The following CSMD1 variants were observed in gnomAD, a reference collection of about 807,000 sequenced individuals.
CSMD1 encodes CUB and sushi domain-containing protein 1.
A neutral mutation model predicts 417.5 loss-of-function variants in CSMD1; 213 were observed. The observed-to-expected ratio is 0.51, with a 90% CI of 0.46 to 0.57. The LOEUF (loss-of-function observed/expected upper bound fraction) is 0.57, where lower values mean the gene tolerates loss of function less well. Ranked by LOEUF, CSMD1 falls within the 20% of genes least tolerant of loss-of-function variation. CSMD1 has a pLI of 0.00. For missense variants in CSMD1, 6,923 were observed against 4,529.7 expected, an observed-to-expected ratio of 1.53 and a Z score of -15.17; for synonymous variants, 2,862 against 1,736.8, an observed-to-expected ratio of 1.65 and a Z score of -16.11.
At chr8:3,132,089 T>A (rs1367423986) in intron 41 of CSMD1, among the ~76,000 whole-genome samples, 1 of 152,140 alleles carries the variant, frequency 6.6e-6, no homozygotes, top group Non-Finnish European at 1.5e-5. Context: ...GGCCTCCAGG[T>A]TCTGCTCACG....
intron 26 of CSMD1, among the ~76,000 whole-genome samples, chr8:3,261,547 G>A (rs985622877): frequency 7.2e-5 from 11 of 152,120 alleles, no homozygotes; most frequent in African/African-American, 2.7e-4. Context: ...ACCTGCGCGT[G>A]AATGTTCATC....
intron 3 of CSMD1, among the ~76,000 whole-genome samples, chr8:4,258,731 A>C (rs1367752696): frequency 2.0e-5 from 3 of 152,022 alleles, no homozygotes; most frequent in African/African-American, 7.3e-5. Context: ...GGAACACAGC[A>C]ATGTATGAGG....
intron 1 of CSMD1, among the ~76,000 whole-genome samples, chr8:4,777,275 A>G (rs1399240685): frequency 6.6e-6 from 1 of 152,226 alleles, no homozygotes; most frequent in Non-Finnish European, 1.5e-5. Context: ...GCGAGAAACA[A>G]TTAAGTCTAA....
At chr8:4,446,067 T>A (rs1051230457) in intron 2 of CSMD1, among the ~76,000 whole-genome samples, 1 of 152,194 alleles carries the variant, frequency 6.6e-6, no homozygotes, top group Non-Finnish European at 1.5e-5. Flanking sequence ...CGAGGCTGTT[T>A]CATAGGCGGA....
chr8:4,625,068 CAA>C lies in CSMD1; in HGVS notation c.302+12272_302+12273del, dbSNP rs1177805250. Among the ~76,000 whole-genome samples the C allele has an allele frequency of 3.3e-5, 5 of 152,196 alleles. No homozygotes were observed. In the East Asian group the frequency reaches 9.7e-4, roughly 29 times the overall value. On this transcript the variant is annotated intron_variant, in intron 2 of 69. Transcript: ENST00000635120. ...GAAGAATGACAGTCACATTTTAAAA[CAA>C]AGTGTTCCTTAATTGGATGGGTCAA...
chr8:4,337,974 C>T (rs955376288), intron 3 of CSMD1, among the ~76,000 whole-genome samples: 1 of 152,052 alleles, frequency 6.6e-6, no homozygotes, highest in South Asian at 2.1e-4. Context: ...TCAGTTTTGT[C>T]AACTGTAAAA....
chr8:3,423,460 G>C (rs1346428332), intron 12 of CSMD1, among the ~76,000 whole-genome samples: 1 of 152,152 alleles, frequency 6.6e-6, no homozygotes, highest in African/African-American at 2.4e-5. Flanking sequence ...TTCTTTCACT[G>C]AGTGTAATGA....
chr8:3,242,963 C>T (rs1007364761), intron 26 of CSMD1, among the ~76,000 whole-genome samples: 6 of 151,998 alleles, frequency 3.9e-5, no homozygotes, highest in Non-Finnish European at 5.9e-5. Flanking sequence ...GAGAGATGTC[C>T]CTGCAATGGG....
At chr8:4,433,006 A>T (rs545158217) in intron 2 of CSMD1, among the ~76,000 whole-genome samples, 6 of 152,066 alleles carry the variant, frequency 3.9e-5, no homozygotes, top group African/African-American at 1.4e-4. Flanking sequence ...TTACATTCCC[A>T]CAGGAGCGTC....
chr8:4,167,132 C>G (rs1199414621), intron 3 of CSMD1, among the ~76,000 whole-genome samples: 2 of 152,104 alleles, frequency 1.3e-5, no homozygotes, highest in African/African-American at 2.4e-5. Context: ...CAAGATGTTA[C>G]TTAGGTGACA....
chr8:4,704,232 T>C (rs1807774002), intron 1 of CSMD1, among the ~76,000 whole-genome samples: 1 of 152,250 alleles, frequency 6.6e-6, no homozygotes, highest in South Asian at 2.1e-4. Flanking sequence ...TTAAGTCATT[T>C]GCATTTGTAA....
intron 5 of CSMD1, among the ~76,000 whole-genome samples, chr8:3,957,019 G>C (rs539864570): frequency 3.3e-5 from 5 of 152,044 alleles, no homozygotes; most frequent in African/African-American, 4.8e-5. Context: ...TGGAAGTAGA[G>C]AGTGACAGGC....
intron 23 of CSMD1, among the ~76,000 whole-genome samples, chr8:3,331,219 C>T (rs1320444233): frequency 7.5e-6 from 1 of 133,644 alleles, no homozygotes; most frequent in Non-Finnish European, 1.5e-5. Context: ...GCCTGGCCGA[C>T]AGAACGAGAC....
At chr8:3,786,114 T>A (rs867882902) in intron 5 of CSMD1, among the ~76,000 whole-genome samples, 2 of 152,020 alleles carry the variant, frequency 1.3e-5, no homozygotes, top group African/African-American at 4.8e-5. Flanking sequence ...AGTTTGTGAA[T>A]CAAATAGAGG....
At chr8:3,450,638 A>T (rs563581144) in intron 12 of CSMD1, among the ~76,000 whole-genome samples, 2 of 152,174 alleles carry the variant, frequency 1.3e-5, no homozygotes, top group South Asian at 4.1e-4. Context: ...TATAAAGGAC[A>T]TGAACTCATC....
intron 3 of CSMD1, among the ~76,000 whole-genome samples, chr8:4,050,460 G>C (rs554188886): frequency 4.3e-4 from 66 of 151,808 alleles, no homozygotes; most frequent in African/African-American, 1.5e-3. Flanking sequence ...TACATATTTT[G>C]ATACAGGCAT....
chr8:4,722,537 T>A lies in CSMD1; in HGVS notation c.86-84979A>T, dbSNP rs116699615. On this transcript the variant is annotated intron_variant, in intron 1 of 69. Coordinates refer to ENST00000635120, the MANE Select transcript of CSMD1 (RefSeq NM_033225.6). ...TGATTCTTCAGGAGTATGCTCTGAA[T>A]GGGGTAGAACTTTCCAAATGCATCA... Among the ~76,000 whole-genome samples, 217 of 152,178 alleles carry A rather than the reference T, an allele frequency of 1.4e-3. 2 individuals are homozygous for A. Among genetic ancestry groups the A allele is most frequent in the African/African-American group, 4.9e-3 (203 of 41,524 alleles).
At chr8:4,656,481 C>T (rs530227410) in intron 1 of CSMD1, among the ~76,000 whole-genome samples, 13 of 152,110 alleles carry the variant, frequency 8.5e-5, no homozygotes, top group South Asian at 8.3e-4. Flanking sequence ...AGAACATTTA[C>T]GGACCATTTC....
intron 1 of CSMD1, among the ~76,000 whole-genome samples, chr8:4,769,661 G>A (rs1050481880): frequency 1.3e-5 from 2 of 152,150 alleles, no homozygotes; most frequent in African/African-American, 4.8e-5. Flanking sequence ...GGGAGGCTTG[G>A]AAAGGCTGAC....
Sources: allele counts gnomAD v4.1 joint callset (sites outside exome capture counted in the v4.1 genomes callset), GRCh38; gene constraint gnomAD v4.1.1; transcripts MANE v1.5; gene names NCBI Gene and HGNC (gene_info 2026-07-23, HGNC 2026-07-21).